Variants in SLC6A3 observed in about 807,000 individuals in gnomAD.
SLC6A3 encodes sodium-dependent dopamine transporter.
SLC6A3 carries 19 observed loss-of-function variants against 70.4 expected under a neutral mutation model. The ratio of observed to expected loss-of-function variants is 0.27; its 90% CI spans 0.19 to 0.40. The LOEUF (loss-of-function observed/expected upper bound fraction) is 0.40, where lower values mean the gene tolerates loss of function less well. Among genes scored for constraint, SLC6A3 ranks in the 10% least tolerant of loss-of-function variants. SLC6A3 has a pLI of 1.00. For synonymous variants in SLC6A3, 368 were observed against 356.6 expected (o/e 1.03, Z -0.36); for missense variants, 613 against 838.5 (o/e 0.73, Z 3.32).
In SLC6A3 at chr5:1,408,949, G is replaced by A. The variant is rs765014928; in HGVS notation, c.1498+77C>T. 1.5e-4 allele frequency: 155 copies of A among 1,010,508 alleles called. No individual in the cohort carries two copies. Among genetic ancestry groups the A allele is most frequent in the Non-Finnish European group, 2.0e-4 (130 of 643,766 alleles). The allele number at this position is 1,010,508 out of a possible 1,614,324, so 62.6% of individuals were successfully genotyped here. On this transcript the variant is annotated intron_variant, in intron 11 of 14. Coordinates refer to ENST00000270349, the MANE Select transcript of SLC6A3 (RefSeq NM_001044.5). This position sits in a 1 kb window ranked among gnomAD's most constrained non-coding sequence, Gnocchi z 6.4. ...CTGCAGCTGAAAGGTGTTTCCTCAC[G>A]GAGCCTTTTTCAGAAGGGGAGTGGC...
Position 1,403,013 on chromosome 5 carries a change from G to A in SLC6A3, c.1676C>T (p.Ala559Val), listed in dbSNP as rs28364997. 1.2e-3 allele frequency: 1,980 copies of A among 1,614,020 alleles called. 1 individual carries two copies. Among genetic ancestry groups the A allele is most frequent in the Non-Finnish European group, 1.6e-3 (1,900 of 1,180,008 alleles). The change falls in exon 13 of 15, where the codon GCG becomes GTG. Residue 559 changes from alanine to valine, a missense_variant. Coordinates refer to ENST00000270349, the MANE Select transcript of SLC6A3 (RefSeq NM_001044.5). ...GGATGTGGCGATGACCCAGCCCAGC[G>A]CGTTGGCCCAGTCGGGGAAGATGTA... The part of the protein sequence containing the change: ...GAYIFPDWAN[A>V]LGWVIATSSM...
intron 3 of SLC6A3, among the ~76,000 whole-genome samples, chr5:1,434,280 T>G (rs1756778572): frequency 6.6e-6 from 1 of 152,188 alleles, no homozygotes; most frequent in Non-Finnish European, 1.5e-5. Context: ...CTTGCATGAC[T>G]ATGAAGGACT....
In SLC6A3 at chr5:1,404,936, C is replaced by A. The variant is rs1755935156; in HGVS notation, c.1599+1252G>T. Among the ~76,000 whole-genome samples, 1 of 152,226 alleles carries A rather than the reference C, an allele frequency of 6.6e-6. No individual in the cohort carries two copies. Among genetic ancestry groups the A allele is most frequent in the South Asian group, 2.1e-4 (1 of 4,834 alleles). ...GCCCTCTGGGTGTTAAGAGGAGACA[C>A]CCCCTCAAGGGGAGCCAACGTCCTC... On this transcript the variant is annotated intron_variant, in intron 12 of 14. Transcript: ENST00000270349. This position sits in a 1 kb window ranked among gnomAD's most constrained non-coding sequence, Gnocchi z 5.2.
intron 14 of SLC6A3, among the ~76,000 whole-genome samples, chr5:1,400,470 G>A (rs1267627318): frequency 1.3e-5 from 2 of 152,148 alleles, no homozygotes; most frequent in African/African-American, 4.8e-5. Context: ...GCCAGCCCCA[G>A]GCTCCCAGGC....
Position 1,442,129 on chromosome 5 carries a change from A to G in SLC6A3, c.287-639T>C, listed in dbSNP as rs1733689262. On this transcript the variant is annotated intron_variant, in intron 2 of 14. Coordinates refer to ENST00000270349, the MANE Select transcript of SLC6A3 (RefSeq NM_001044.5). The surrounding 1 kb of genome is among the most constrained non-coding windows in gnomAD (Gnocchi z 5.0). ...CCCTGGTCTGACTGGAGTGAGGGAG[A>G]GCTTTGCCACTCTCTCTCCTGGGGA... Among the ~76,000 whole-genome samples the G allele has an allele frequency of 6.6e-6, 1 of 151,896 alleles. No individual in the cohort carries two copies. Among genetic ancestry groups the G allele is most frequent in the South Asian group, 2.1e-4 (1 of 4,810 alleles).
chr5:1,425,625 C>G (rs549264806), intron 4 of SLC6A3, among the ~76,000 whole-genome samples: 2 of 152,214 alleles, frequency 1.3e-5, no homozygotes, highest in East Asian at 3.9e-4. Flanking sequence ...TTGGACTTGG[C>G]AATGGTTTCT....
At chr5:1,433,401 A>G (rs1756752725) in intron 3 of SLC6A3, among the ~76,000 whole-genome samples, 1 of 152,062 alleles carries the variant, frequency 6.6e-6, no homozygotes, top group African/African-American at 2.4e-5. Context: ...CTCATTCAGG[A>G]CTATGGAGGG....
rs530936932 is a variant in SLC6A3, at chr5:1,405,249, C to T, written c.1599+939G>A. 6.6e-5 allele frequency among the ~76,000 whole-genome samples: 10 copies of T among 152,180 alleles called. No individual in the cohort carries two copies. Among genetic ancestry groups the T allele is most frequent in the Admixed American group, 3.3e-4 (5 of 15,274 alleles). ...TCTCTCACACTATGTTGAGCTCCTC[C>T]GGGATAGGGCCTGTCTCTCATCTCT... On this transcript the variant is annotated intron_variant, in intron 12 of 14. Transcript: ENST00000270349. This position sits in a 1 kb window ranked among gnomAD's most constrained non-coding sequence, Gnocchi z 5.3.
chr5:1,429,495 C>G (rs1033775740), intron 4 of SLC6A3, among the ~76,000 whole-genome samples: 1 of 152,188 alleles, frequency 6.6e-6, no homozygotes, highest in Non-Finnish European at 1.5e-5. Flanking sequence ...CTAGTCTGAT[C>G]GTTTAAAATA....
At position 1,443,047 on chromosome 5, in the gene SLC6A3, G is replaced by A. The variant is rs778617693; in HGVS notation, c.151C>T (p.Arg51Trp). 50 of 1,614,230 alleles carry A rather than the reference G, an allele frequency of 3.1e-5. No homozygotes were observed. Among genetic ancestry groups the A allele is most frequent in the Middle Eastern group, 1.6e-4 (1 of 6,062 alleles). The change falls in exon 2 of 15, where the codon CGG becomes TGG. Residue 51 changes from arginine (R) to tryptophan (W), a missense_variant. Arg to Trp is a moderately radical substitution (Grantham distance 101). Coordinates refer to ENST00000270349, the MANE Select transcript of SLC6A3 (RefSeq NM_001044.5). ...TCCTGGGCCTCCACGGGGCTCTGCC[G>A]CGGGTTGGTGAGGGTGGAGCTGGTG... ...QLTSSTLTNP[R>W]QSPVEAQDRE...
rs1756868185 is a variant in SLC6A3, at chr5:1,437,566, C to G, written c.418+3793G>C. 6.6e-6 allele frequency among the ~76,000 whole-genome samples: 1 copy of G among 152,258 alleles called. No individual in the cohort carries two copies. The highest frequency in any genetic ancestry group is 1.5e-5 in the Non-Finnish European group (1 of 68,042). ...ACTGCGGGGCTGAAGGCCCCAGAGG[C>G]CCCTCTGGCTGTGGTGCCCATCCCA... On this transcript the variant is annotated intron_variant, in intron 3 of 14. Coordinates refer to ENST00000270349, the MANE Select transcript of SLC6A3 (RefSeq NM_001044.5). This position sits in a 1 kb window ranked among gnomAD's most constrained non-coding sequence, Gnocchi z 4.8.
Position 1,411,369 on chromosome 5 carries a change from C to G in SLC6A3, c.1157-14G>C, listed in dbSNP as rs1424040863. 1 of 1,539,542 alleles carries G rather than the reference C, an allele frequency of 6.5e-7. No individual in the cohort carries two copies. On this transcript the variant is annotated splice_polypyrimidine_tract_variant and intron_variant, in intron 8 of 14. Coordinates refer to ENST00000270349, the MANE Select transcript of SLC6A3 (RefSeq NM_001044.5). This position sits in a 1 kb window ranked among gnomAD's most constrained non-coding sequence, Gnocchi z 6.5. The stretch of plus-strand genomic sequence containing the variant: ...TCAGCCCTGGCCCTGAAACAGAACC[C>G]GCCCTGCTTGCCACAGAGCCCACGC...
Position 1,408,359 on chromosome 5 carries a change from A to G in SLC6A3, c.1498+667T>C, listed in dbSNP as rs1341908343. 3.3e-5 allele frequency among the ~76,000 whole-genome samples: 5 copies of G among 152,048 alleles called. No individual in the cohort carries two copies. The East Asian group carries it at 9.6e-4, about 29-fold the overall frequency. On this transcript the variant is annotated intron_variant, in intron 11 of 14. Coordinates refer to ENST00000270349, the MANE Select transcript of SLC6A3 (RefSeq NM_001044.5). The surrounding 1 kb of genome is among the most constrained non-coding windows in gnomAD (Gnocchi z 6.4). ...GCCCGGACCACACATTCATGGCGAG[A>G]TGCCCTGGCTCGGCCTCGCCACTTC... is the stretch of plus-strand genomic sequence containing the variant.
intron 6 of SLC6A3, 41 bp from the exon 7 acceptor site, chr5:1,416,242 C>T (rs750185311): frequency 1.2e-5 from 18 of 1,503,140 alleles, no homozygotes; most frequent in Middle Eastern, 1.7e-4. Context: ...CCCAGGAGAA[C>T]GCAGGCCACA....
In SLC6A3 at chr5:1,409,044, C is replaced by T. The variant is rs749209628; in HGVS notation, c.1480G>A (p.Gly494Arg). The T allele has an allele frequency of 5.0e-6, 8 of 1,612,658 alleles. No homozygotes were observed. Among genetic ancestry groups the T allele is most frequent in the Non-Finnish European group, 6.8e-6 (8 of 1,179,664 alleles). ...ILFGVLIEAI[G>R]VAWFYGVGQF... ...GACTCACCATAGAACCAGGCCACTC[C>T]GATGGCTTCGATGAGCACTCCAAAG... The change falls in exon 11 of 15, where the codon GGA becomes AGA. Residue 494 changes from glycine to arginine, a missense_variant. Physicochemically the swap from Gly to Arg is moderately radical, Grantham distance 125 (BLOSUM62 -2). Coordinates refer to ENST00000270349, the MANE Select transcript of SLC6A3 (RefSeq NM_001044.5).
At chr5:1,403,200 G>A in intron 12 of SLC6A3, 111 bp from the exon 13 acceptor site, 1 of 1,290,564 alleles carries the variant, frequency 7.7e-7, no homozygotes, top group South Asian at 1.3e-5. Context: ...CCACAGCTGT[G>A]CAGGTGCAGA....
In SLC6A3 at chr5:1,413,345, C is replaced by T. The variant is rs1031030431; in HGVS notation, c.1156+1346G>A. Among the ~76,000 whole-genome samples, 6 of 152,208 alleles carry T rather than the reference C, an allele frequency of 3.9e-5. No homozygotes were observed. The highest frequency in any genetic ancestry group is 6.5e-5 in the Admixed American group (1 of 15,284). ...CACCTCTGAGCTGTGGCTCCAGCCC[C>T]GACCCTGGCTTTCTGTTGCAAGCAT... On this transcript the variant is annotated intron_variant, in intron 8 of 14. Coordinates refer to ENST00000270349, the MANE Select transcript of SLC6A3 (RefSeq NM_001044.5). This position sits in a 1 kb window ranked among gnomAD's most constrained non-coding sequence, Gnocchi z 7.1.
At position 1,408,971 on chromosome 5, in the gene SLC6A3, T is replaced by G. The variant is rs1756050599; in HGVS notation, c.1498+55A>C. ...CACGGAGCCTTTTTCAGAAGGGGAG[T>G]GGCACAGCCACCAAACAAGAGGGTG... On this transcript the variant is annotated intron_variant, in intron 11 of 14. Transcript: ENST00000270349. This position sits in a 1 kb window ranked among gnomAD's most constrained non-coding sequence, Gnocchi z 6.4. The G allele has an allele frequency of 8.0e-7, 1 of 1,243,054 alleles. No individual in the cohort carries two copies. 77.0% of individuals were successfully genotyped at this position (1,243,054 alleles called of 1,614,324 possible). A position where few individuals can be genotyped will look rare whatever the true frequency, so the allele number is the denominator to read the frequency against.
chr5:1,414,406 C>CAGGGCAGGAAAGGCACTGTGTGGGGGGGG (rs1756207088), intron 8 of SLC6A3, among the ~76,000 whole-genome samples: 1 of 145,166 alleles, frequency 6.9e-6, no homozygotes, highest in African/African-American at 2.6e-5. Flanking sequence ...GGTGGGGGGG[C>CAGGGCAGGAAAGGCACTGTGTGGGGGGGG]CTGGAGGGGC....
Sources: gnomAD v4.1 joint callset for allele counts (sites outside exome capture counted in the v4.1 genomes callset) on GRCh38, gnomAD v4.1.1 for gene constraint, Gnocchi (gnomAD v3.1) non-coding constraint, MANE v1.5 for transcripts, NCBI Gene and HGNC (gene_info 2026-07-23, HGNC 2026-07-21) for gene names.